The following DHX57 variants were observed in gnomAD, a reference collection of about 807,000 sequenced individuals.
The protein encoded by DHX57 is putative ATP-dependent RNA helicase DHX57.
Under a neutral mutation model 156.2 loss-of-function variants are expected in DHX57, and 105 were observed. That is an observed-to-expected ratio of 0.67 (90% CI 0.57 to 0.79). DHX57 has a LOEUF of 0.79. Ranked by LOEUF, DHX57 falls within the 30% of genes least tolerant of loss-of-function variation. The pLI, the probability that DHX57 is intolerant of heterozygous loss-of-function variation, is 0.00. For missense variants in DHX57, 1,847 were observed against 1,661.9 expected, an observed-to-expected ratio of 1.11 and a Z score of -1.94; for synonymous variants, 704 against 595.6, an observed-to-expected ratio of 1.18 and a Z score of -2.65.
chr2:38,816,847 G>T (rs1277456870), intron 19 of DHX57, among the ~76,000 whole-genome samples: 1 of 152,044 alleles, frequency 6.6e-6, no homozygotes, highest in African/African-American at 2.4e-5. Context: ...TTAGTGAAAA[G>T]ATGCAACTCT....
chr2:38,875,202 C>T (rs183977824), intron 1 of DHX57, among the ~76,000 whole-genome samples: 107 of 152,316 alleles, frequency 7.0e-4, no homozygotes, highest in African/African-American at 2.5e-3. Flanking sequence ...TGGTTAGATT[C>T]CACTATCTAT....
chr2:38,855,751 T>C lies in DHX57; in HGVS notation c.1710-499A>G, dbSNP rs568159511. Among the ~76,000 whole-genome samples the C allele has an allele frequency of 4.6e-5, 7 of 152,218 alleles. No homozygotes were observed. The East Asian group carries it at 9.6e-4, about 21-fold the overall frequency. ...AAGTCTGCAATTTGTCCCTGCTAAA[T>C]AGGAGAATGTAAAGCAGGAAAAATA... On this transcript the variant is annotated intron_variant, in intron 7 of 23. Transcript: ENST00000457308.
chr2:38,842,537 C>G (rs527464245), intron 12 of DHX57, among the ~76,000 whole-genome samples: 1 of 151,952 alleles, frequency 6.6e-6, no homozygotes, highest in East Asian at 1.9e-4. Flanking sequence ...AAAGGAGCAT[C>G]ATATCTGTAA....
At chr2:38,803,052 C>T in intron 22 of DHX57, 137 bp from the exon 23 acceptor site, 1 of 812,812 alleles carries the variant, frequency 1.2e-6, no homozygotes, top group Non-Finnish European at 2.0e-6. Flanking sequence ...TTCCTGAGCT[C>T]CAGATCTGCA....
chr2:38,809,468 T>C (rs201709151), intron 21 of DHX57, among the ~76,000 whole-genome samples: 60 of 146,876 alleles, frequency 4.1e-4, no homozygotes, highest in South Asian at 1.5e-3. Context: ...TTTTTTTTTT[T>C]CTTTTTTTTT....
chr2:38,859,808 A>G (rs1673093040), intron 5 of DHX57, among the ~76,000 whole-genome samples: 1 of 143,084 alleles, frequency 7.0e-6, no homozygotes, highest in African/African-American at 2.5e-5. Context: ...CAACCAATAA[A>G]AGAGGATCCT....
chr2:38,826,017 T>C lies in DHX57; in HGVS notation c.2844A>G (p.Leu948=). Residue 948 remains leucine (L), a synonymous_variant, in exon 16 of 24, where the codon CTA becomes CTG. Transcript: ENST00000457308. ...RYDASKGMES[L]EDTFVSQANA... ...TAGCTTGAGATACAAAGGTGTCCTC[T>C]AGACTTTCCATCCCTTTGCTGGCAT... 1.2e-6 allele frequency: 2 copies of C among 1,614,210 alleles called. No individual in the cohort carries two copies. The highest frequency in any genetic ancestry group is 1.7e-6 in the Non-Finnish European group (2 of 1,180,014).
intron 22 of DHX57, among the ~76,000 whole-genome samples, chr2:38,803,731 T>G (rs1480529467): frequency 6.6e-6 from 1 of 151,436 alleles, no homozygotes; most frequent in Non-Finnish European, 1.5e-5. Context: ...TCAGGTGATC[T>G]GCCTGCCTCG....
intron 4 of DHX57, 110 bp from the exon 5 acceptor site, chr2:38,861,947 G>A (rs752942505): frequency 1.4e-4 from 182 of 1,292,538 alleles, no homozygotes; most frequent in Non-Finnish European, 1.8e-4. Flanking sequence ...ACATAGGCAG[G>A]GCTTGTATTT....
chr2:38,815,769 A>C, intron 19 of DHX57, 114 bp from the exon 20 acceptor site: 3 of 1,282,398 alleles, frequency 2.3e-6, no homozygotes, highest in Non-Finnish European at 2.2e-6. Flanking sequence ...AATGAGGCTC[A>C]AGTGGATTCA....
intron 22 of DHX57, among the ~76,000 whole-genome samples, chr2:38,805,541 T>G (rs1669896672): frequency 1.3e-5 from 2 of 152,254 alleles, no homozygotes; most frequent in South Asian, 2.1e-4. Context: ...GTTTGGGGTT[T>G]GAGCTAAGGA....
rs749442201 is a variant in DHX57, at chr2:38,843,253, T to C, written c.2220-43A>G. The C allele has an allele frequency of 3.6e-5, 58 of 1,600,526 alleles. No individual in the cohort carries two copies. In the East Asian group the frequency reaches 1.2e-3, roughly 34 times the overall value. On this transcript the variant is annotated intron_variant, in intron 11 of 23. Coordinates refer to ENST00000457308, the MANE Select transcript of DHX57 (RefSeq NM_198963.3). Reference sequence around the variant, plus strand: ...ATGTGGTTGTGTGTATGTGGTCCTGTTGGTGAGGAGGGAAAGAATTCACCT... The same window carrying C: ...ATGTGGTTGTGTGTATGTGGTCCTGCTGGTGAGGAGGGAAAGAATTCACCT...
chr2:38,862,882 A>G (rs1673310164), intron 3 of DHX57: 1 of 156,138 alleles, frequency 6.4e-6, no homozygotes, highest in Non-Finnish European at 1.4e-5. Flanking sequence ...TAATTTTGGT[A>G]AATGGAAAGA....
At position 38,858,749 on chromosome 2, in the gene DHX57, T is replaced by G. The variant is rs756997518; in HGVS notation, c.1499A>C (p.Lys500Thr). The G allele has an allele frequency of 3.1e-6, 5 of 1,614,036 alleles. No individual in the cohort carries two copies. In the South Asian group the frequency reaches 3.3e-5, roughly 11 times the overall value. ...IVENESYVNL[K>T]KKISKRYDWQ... ...GTCATATCTTTTGGAAATCTTTTTCTTAAGGTTCACATAGCTTTCATTCTC... is the reference window on the plus strand; with the variant it reads ...GTCATATCTTTTGGAAATCTTTTTCGTAAGGTTCACATAGCTTTCATTCTC... Residue 500 changes from lysine (K) to threonine (T), a missense_variant, in exon 6 of 24, where the codon AAG becomes ACG. Coordinates refer to ENST00000457308, the MANE Select transcript of DHX57 (RefSeq NM_198963.3).
chr2:38,854,556 G>GA, intron 8 of DHX57: 1 of 131,998 alleles, frequency 7.6e-6, no homozygotes, highest in Non-Finnish European at 1.6e-5. Flanking sequence ...CCAAATAAGA[G>GA]TTTTTTTTTT....
rs188704885 is a variant in DHX57, at chr2:38,863,795, C to T, written c.225-276G>A. 1.6e-3 allele frequency among the ~76,000 whole-genome samples: 241 copies of T among 152,110 alleles called. 1 individual carries two copies. Among genetic ancestry groups the T allele is most frequent in the African/African-American group, 5.6e-3 (234 of 41,514 alleles). Reference sequence around the variant, plus strand: ...TGGGAGGCCGAGGCTGGCGGATCACCTGAGGTCAGGAGTTTCAGACCAGCC... The same window carrying T: ...TGGGAGGCCGAGGCTGGCGGATCACTTGAGGTCAGGAGTTTCAGACCAGCC... On this transcript the variant is annotated intron_variant, in intron 2 of 23. Transcript: ENST00000457308.
At chr2:38,850,126 T>C (rs1381724782) in intron 9 of DHX57, among the ~76,000 whole-genome samples, 1 of 152,068 alleles carries the variant, frequency 6.6e-6, no homozygotes, top group Non-Finnish European at 1.5e-5. Flanking sequence ...ATATCATCTG[T>C]GTAAGAAAAA....
In DHX57 at chr2:38,808,701, G is replaced by A. The variant is rs574072887; in HGVS notation, c.3682-2008C>T. On this transcript the variant is annotated intron_variant, in intron 21 of 23. Coordinates refer to ENST00000457308, the MANE Select transcript of DHX57 (RefSeq NM_198963.3). ...GTATAAACTTATATTCCCACCCAGAGTAAGAGTACTCATTTTGGGGGGTTC... is the reference window on the plus strand; with the variant it reads ...GTATAAACTTATATTCCCACCCAGAATAAGAGTACTCATTTTGGGGGGTTC... Among the ~76,000 whole-genome samples, 10 of 152,232 alleles carry A rather than the reference G, an allele frequency of 6.6e-5. 1 individual carries two copies. In the East Asian group the frequency reaches 1.5e-3, roughly 23 times the overall value.
intron 13 of DHX57, among the ~76,000 whole-genome samples, chr2:38,835,959 G>C (rs1228894895): frequency 2.0e-5 from 3 of 152,200 alleles, no homozygotes; most frequent in Non-Finnish European, 4.4e-5. Flanking sequence ...CACCACACCA[G>C]GGGAATTAAC....
Sources: allele counts gnomAD v4.1 joint callset (sites outside exome capture counted in the v4.1 genomes callset), GRCh38; gene constraint gnomAD v4.1.1; transcripts MANE v1.5; gene names NCBI Gene and HGNC (gene_info 2026-07-23, HGNC 2026-07-21).